COL21A1: variants seen among roughly 807,000 people sequenced by gnomAD.
COL21A1 encodes collagen type XXI alpha 1 chain, also known as collagen alpha-1(XXI) chain.
COL21A1 carries 149 observed loss-of-function variants against 137.9 expected under a neutral mutation model. The observed-to-expected ratio is 1.08, with a 90% confidence interval of 0.95 to 1.24. COL21A1 has a LOEUF of 1.24. Ranked by LOEUF, COL21A1 falls within the 50% of genes most tolerant of loss-of-function variation. The pLI is 0.00. For missense variants in COL21A1, 1,167 were observed against 1,158.4 expected (o/e 1.01, Z -0.11); for synonymous variants, 456 against 391.5 (o/e 1.16, Z -1.95).
chr6:56,199,401 G>A (rs1289420179), intron 1 of COL21A1, among the ~76,000 whole-genome samples: 2 of 151,822 alleles, frequency 1.3e-5, no homozygotes, highest in East Asian at 3.9e-4. Flanking sequence ...GAGCTCACCT[G>A]TTAATATGGA....
At chr6:56,258,413 T>C (rs1403145167) in intron 1 of COL21A1, among the ~76,000 whole-genome samples, 1 of 152,046 alleles carries the variant, frequency 6.6e-6, no homozygotes, top group Non-Finnish European at 1.5e-5. Context: ...CTCCAACTAC[T>C]CCACTCTACC....
chr6:56,139,198 AG>A (rs2152233964), intron 12 of COL21A1, among the ~76,000 whole-genome samples: 1 of 152,252 alleles, frequency 6.6e-6, no homozygotes, highest in Admixed American at 6.5e-5. Flanking sequence ...TTAAGTAATC[AG>A]CAGAATGGTG....
At chr6:56,263,852 T>C (rs893039228) in intron 1 of COL21A1, among the ~76,000 whole-genome samples, 1 of 152,162 alleles carries the variant, frequency 6.6e-6, no homozygotes, top group African/African-American at 2.4e-5. Context: ...ATTTAAACAT[T>C]TTCCTGATAT....
chr6:56,097,427 C>CT (rs1769436203), intron 17 of COL21A1, among the ~76,000 whole-genome samples: 1 of 152,040 alleles, frequency 6.6e-6, no homozygotes. Flanking sequence ...CTTTTACCAT[C>CT]TATCTCCCCA....
At chr6:56,080,853 A>T (rs1447384758) in intron 17 of COL21A1, among the ~76,000 whole-genome samples, 1 of 151,834 alleles carries the variant, frequency 6.6e-6, no homozygotes, top group African/African-American at 2.4e-5. Context: ...TGTTGAAAGT[A>T]TCATTCTCAT....
chr6:56,281,453 C>T (rs538982253), intron 1 of COL21A1, among the ~76,000 whole-genome samples: 1 of 152,136 alleles, frequency 6.6e-6, no homozygotes, highest in Non-Finnish European at 1.5e-5. Context: ...ACCCCAACCA[C>T]CACTATTATC....
intron 29 of COL21A1, among the ~76,000 whole-genome samples, chr6:56,058,174 T>C (rs1410250206): frequency 6.6e-6 from 1 of 152,182 alleles, no homozygotes; most frequent in Non-Finnish European, 1.5e-5. Flanking sequence ...AGCCTATCTT[T>C]TACCAATATT....
At chr6:56,195,191 G>C (rs749345959) in intron 1 of COL21A1, among the ~76,000 whole-genome samples, 15 of 152,148 alleles carry the variant, frequency 9.9e-5, no homozygotes, top group Non-Finnish European at 1.9e-4. Flanking sequence ...TATAAATTAT[G>C]CAGTTTTGAG....
chr6:56,273,239 T>C (rs1413494605), intron 1 of COL21A1, among the ~76,000 whole-genome samples: 4 of 152,158 alleles, frequency 2.6e-5, no homozygotes, highest in Non-Finnish European at 5.9e-5. Flanking sequence ...GCCAAAGCAG[T>C]GTTAAGAGGA....
intron 12 of COL21A1, among the ~76,000 whole-genome samples, chr6:56,139,064 G>A (rs1016123593): frequency 3.3e-5 from 5 of 152,116 alleles, no homozygotes; most frequent in African/African-American, 1.2e-4. Context: ...TACATATACG[G>A]GTAGGAGGGT....
chr6:56,197,035 A>G (rs1033472117), intron 1 of COL21A1, among the ~76,000 whole-genome samples: 6 of 152,150 alleles, frequency 3.9e-5, no homozygotes, highest in Non-Finnish European at 8.8e-5. Context: ...AAACAGATGC[A>G]CAAACCACTG....
At chr6:56,276,857 G>A (rs930246809) in intron 1 of COL21A1, 15 of 616,086 alleles carry the variant, frequency 2.4e-5, no homozygotes, top group African/African-American at 2.4e-4. Context: ...CGCCCAGGCT[G>A]GAGTGCAGTG....
At chr6:56,164,339 G>A (rs1444235738) in intron 9 of COL21A1, 84 bp downstream of exon 9, 1 of 883,322 alleles carries the variant, frequency 1.1e-6, no homozygotes, top group Non-Finnish European at 1.8e-6. Context: ...TTCTCAACAG[G>A]ATCAATGGTG....
At chr6:56,276,042 TAA>T (rs1312949064) in intron 1 of COL21A1, among the ~76,000 whole-genome samples, 2 of 152,134 alleles carry the variant, frequency 1.3e-5, no homozygotes, top group Non-Finnish European at 2.9e-5. Context: ...TATGCAGCCA[TAA>T]AAAAGAGTGA....
intron 1 of COL21A1, among the ~76,000 whole-genome samples, chr6:56,204,264 C>G (rs1468422264): frequency 6.6e-6 from 1 of 152,094 alleles, no homozygotes; most frequent in Non-Finnish European, 1.5e-5. Context: ...GGACAGCAGT[C>G]TGAGATGCTT....
chr6:56,357,383 C>T (rs1346600454), intron 1 of COL21A1, among the ~76,000 whole-genome samples: 2 of 152,148 alleles, frequency 1.3e-5, no homozygotes, highest in Non-Finnish European at 2.9e-5. Context: ...TAGCTATCAT[C>T]GCCTGTCCAT....
intron 18 of COL21A1, among the ~76,000 whole-genome samples, chr6:56,076,479 A>C (rs1767256425): frequency 6.8e-6 from 1 of 146,974 alleles, no homozygotes; most frequent in East Asian, 2.0e-4. Context: ...TTTAAATTAA[A>C]AAAACAGAAT....
chr6:56,174,235 C>A (rs1047506959), intron 3 of COL21A1, among the ~76,000 whole-genome samples: 21 of 151,140 alleles, frequency 1.4e-4, no homozygotes, highest in African/African-American at 5.1e-4. Flanking sequence ...AAAAGGATAT[C>A]AAATAATCAA....
At chr6:56,075,853 T>G (rs1244821443) in intron 18 of COL21A1, among the ~76,000 whole-genome samples, 3 of 151,418 alleles carry the variant, frequency 2.0e-5, no homozygotes, top group Non-Finnish European at 4.4e-5. Flanking sequence ...TCATAGAGTT[T>G]AAGAAATATG....
Sources: allele counts gnomAD v4.1 joint callset (sites outside exome capture counted in the v4.1 genomes callset), GRCh38; gene constraint gnomAD v4.1.1; transcripts MANE v1.5; gene names NCBI Gene and HGNC (gene_info 2026-07-23, HGNC 2026-07-21).